Variants in TP63 observed in about 807,000 individuals in gnomAD.
TP63 encodes tumor protein 63.
Under a neutral mutation model 82.8 loss-of-function variants are expected in TP63, and 17 were observed. The observed-to-expected ratio is 0.21, with a 90% confidence interval of 0.14 to 0.31. The LOEUF (loss-of-function observed/expected upper bound fraction) is 0.31. Ranked by LOEUF, TP63 falls within the 10% of genes least tolerant of loss-of-function variation. The pLI is 1.00. For synonymous variants in TP63, 330 were observed against 321.7 expected (o/e 1.03, Z -0.28); for missense variants, 648 against 895.3 (o/e 0.72, Z 3.52).
intron 3 of TP63, among the ~76,000 whole-genome samples, chr3:189,805,627 C>G (rs1454007574): frequency 6.6e-6 from 1 of 152,228 alleles, no homozygotes; most frequent in Non-Finnish European, 1.5e-5. Context: ...CTTGGCCAGC[C>G]TTGCCGAGGC....
intron 3 of TP63, among the ~76,000 whole-genome samples, chr3:189,773,219 G>A (rs1049628840): frequency 6.6e-6 from 1 of 152,128 alleles, no homozygotes; most frequent in Non-Finnish European, 1.5e-5. Context: ...ACCAAGTAAG[G>A]CATTTACTGT....
At chr3:189,886,988 C>T (rs1720513105) in intron 11 of TP63, among the ~76,000 whole-genome samples, 1 of 152,086 alleles carries the variant, frequency 6.6e-6, no homozygotes, top group African/African-American at 2.4e-5. Context: ...GCGGGAGGAT[C>T]ACTTGAGGTC....
intron 9 of TP63, among the ~76,000 whole-genome samples, chr3:189,869,711 T>C (rs1718180264): frequency 6.6e-6 from 1 of 150,594 alleles, no homozygotes; most frequent in South Asian, 2.1e-4. Context: ...GAGAGCTCTC[T>C]AGGGTGTTTT....
chr3:189,671,772 G>T (rs1477830595), intron 1 of TP63, among the ~76,000 whole-genome samples: 4 of 152,134 alleles, frequency 2.6e-5, no homozygotes, highest in Admixed American at 6.6e-5. Flanking sequence ...ATTATTTTAA[G>T]TGAAATAAGT....
In TP63 at chr3:189,867,841, T is replaced by A. The variant is rs749804828; in HGVS notation, c.891T>A (p.Thr297=). The A allele has an allele frequency of 5.0e-6, 8 of 1,614,046 alleles. No individual in the cohort carries two copies. In the South Asian group the frequency reaches 8.8e-5, roughly 18 times the overall value. ...TTACCCCTTGTTTTCAGGTTGGCAC[T>A]GAATTCACGACAGTCTTGTACAATT... ...LVPYEPPQVG[T]EFTTVLYNFM... The change falls in exon 7 of 14, where the codon ACT becomes ACA. Residue 297 remains threonine (T), a synonymous_variant. Coordinates refer to ENST00000264731, the MANE Select transcript of TP63 (RefSeq NM_003722.5).
intron 3 of TP63, among the ~76,000 whole-genome samples, chr3:189,763,642 TG>T (rs1488334986): frequency 2.0e-5 from 3 of 152,058 alleles, no homozygotes; most frequent in Admixed American, 2.0e-4. Flanking sequence ...TTGAAAGAGG[TG>T]GGGAGAGGTT....
chr3:189,875,614 A>ATGTGTG, intron 10 of TP63, among the ~76,000 whole-genome samples: 1 of 106,708 alleles, frequency 9.4e-6, no homozygotes, highest in Non-Finnish European at 1.9e-5. Flanking sequence ...ATATATATAT[A>ATGTGTG]TATATATATA....
intron 10 of TP63, among the ~76,000 whole-genome samples, chr3:189,885,490 A>G (rs1366141816): frequency 6.6e-6 from 1 of 152,224 alleles, no homozygotes; most frequent in Non-Finnish European, 1.5e-5. Flanking sequence ...ATGGGCATCT[A>G]TAGCATCCTA....
chr3:189,614,337 C>T, the TP63 span, among the ~76,000 whole-genome samples: 1 of 152,262 alleles, frequency 6.6e-6, no homozygotes, highest in South Asian at 2.1e-4. Flanking sequence ...TTGCTGCCAC[C>T]ATGTAAGAAG....
chr3:189,840,022 C>G (rs1474804623), intron 4 of TP63, among the ~76,000 whole-genome samples: 1 of 152,158 alleles, frequency 6.6e-6, no homozygotes, highest in African/African-American at 2.4e-5. Context: ...TACTTCACAG[C>G]TTACTGCGAT....
chr3:189,610,286 A>C, the TP63 span, among the ~76,000 whole-genome samples: 1 of 152,172 alleles, frequency 6.6e-6, no homozygotes, highest in East Asian at 1.9e-4. Context: ...GACCTTTGTC[A>C]GATGCATAGT....
chr3:189,894,125 G>A (rs1721282206), intron 13 of TP63, 81 bp from the exon 14 acceptor site: 2 of 1,525,722 alleles, frequency 1.3e-6, no homozygotes, highest in Non-Finnish European at 1.8e-6. Flanking sequence ...CAGAGCATCA[G>A]GGAATGATAG....
intron 1 of TP63, among the ~76,000 whole-genome samples, chr3:189,737,398 A>G (rs375927950): frequency 6.6e-6 from 1 of 152,190 alleles, no homozygotes; most frequent in Non-Finnish European, 1.5e-5. Flanking sequence ...CTTGCTATCA[A>G]ATTTAATGAG....
intron 4 of TP63, among the ~76,000 whole-genome samples, chr3:189,809,316 T>A (rs1174230634): frequency 6.6e-6 from 1 of 152,184 alleles, no homozygotes; most frequent in Non-Finnish European, 1.5e-5. Context: ...TTAAAAAATC[T>A]TTCTGTATAT....
intron 1 of TP63, among the ~76,000 whole-genome samples, chr3:189,679,755 A>G (rs1350158176): frequency 1.3e-5 from 2 of 152,170 alleles, no homozygotes; most frequent in Admixed American, 1.3e-4. Context: ...CAGCAGTTCT[A>G]CAGCTCCAGG....
At chr3:189,759,270 T>A (rs35042961) in intron 3 of TP63, among the ~76,000 whole-genome samples, 1 of 151,958 alleles carries the variant, frequency 6.6e-6, no homozygotes, top group Non-Finnish European at 1.5e-5. Flanking sequence ...GTGAGAGTGG[T>A]GATCTTTCTA....
Position 189,764,481 on chromosome 3 carries a change from C to A in TP63, c.324+25707C>A, listed in dbSNP as rs978992530. ...ACATAGGTCATACTCTTAGTGTGTGCAGTATAAGCTTTTTACTGGGAGCTA... is the reference window on the plus strand; with the variant it reads ...ACATAGGTCATACTCTTAGTGTGTGAAGTATAAGCTTTTTACTGGGAGCTA... On this transcript the variant is annotated intron_variant, in intron 3 of 13. Coordinates refer to ENST00000264731, the MANE Select transcript of TP63 (RefSeq NM_003722.5). Among the ~76,000 whole-genome samples, 4 of 152,092 alleles carry A rather than the reference C, an allele frequency of 2.6e-5. No homozygotes were observed. The South Asian group carries it at 8.3e-4, about 32-fold the overall frequency.
Position 189,808,436 on chromosome 3 carries a change from C to T in TP63, c.489C>T (p.Pro163=), listed in dbSNP as rs943709826. ...CCTTCGATGCTCTCTCTCCATCACC[C>T]GCCATCCCCTCCAACACCGACTACC... ...SSTFDALSPS[P]AIPSNTDYPG... The change falls in exon 4 of 14, where the codon CCC becomes CCT. Residue 163 remains proline (P), a synonymous_variant. Transcript: ENST00000264731. 5 of 1,614,068 alleles carry T rather than the reference C, an allele frequency of 3.1e-6. No homozygotes were observed. The highest frequency in any genetic ancestry group is 4.2e-6 in the Non-Finnish European group (5 of 1,180,038).
At chr3:189,684,462 G>A (rs769169091) in intron 1 of TP63, among the ~76,000 whole-genome samples, 9 of 152,142 alleles carry the variant, frequency 5.9e-5, no homozygotes, top group Non-Finnish European at 1.2e-4. Context: ...ATGTAAGTAT[G>A]CGTAAAAGTA....
Sources: gnomAD v4.1 joint callset for allele counts (sites outside exome capture counted in the v4.1 genomes callset) on GRCh38, gnomAD v4.1.1 for gene constraint, MANE v1.5 for transcripts, NCBI Gene and HGNC (gene_info 2026-07-23, HGNC 2026-07-21) for gene names.